The following MAP7 variants were observed in gnomAD, a reference collection of about 807,000 sequenced individuals.
MAP7 encodes the protein ensconsin.
Under a neutral mutation model 94.8 loss-of-function variants are expected in MAP7, and 52 were observed. The observed-to-expected ratio is 0.55, with a 90% confidence interval of 0.44 to 0.69. The LOEUF (loss-of-function observed/expected upper bound fraction) is 0.69. Among genes scored for constraint, MAP7 ranks in the 30% least tolerant of loss-of-function variants. The pLI is 0.00. For synonymous variants in MAP7, 350 were observed against 357.0 expected (o/e 0.98, Z 0.22); for missense variants, 940 against 964.6 (o/e 0.97, Z 0.34).
At chr6:136,504,905 A>T (rs998567753) in intron 1 of MAP7, among the ~76,000 whole-genome samples, 5 of 149,952 alleles carry the variant, frequency 3.3e-5, no homozygotes, top group African/African-American at 1.2e-4. Context: ...GTCTCAAAAT[A>T]CTGACCTCAG....
chr6:136,356,776 C>A lies in MAP7; in HGVS notation c.1931G>T (p.Cys644Phe). 1 of 1,614,078 alleles carries A rather than the reference C, an allele frequency of 6.2e-7. No individual in the cohort carries two copies. The highest frequency in any genetic ancestry group is 1.1e-5 in the South Asian group (1 of 91,064). ...TCCATTTCCCGGAGCGTTTGTTGTACATGGAAGTGCAGACACCTCTGGGCA... is the reference window on the plus strand; with the variant it reads ...TCCATTTCCCGGAGCGTTTGTTGTAAATGGAAGTGCAGACACCTCTGGGCA... ...TGGTEVSALP[C>F]TTNAPGNGKP... The change falls in exon 16 of 18, where the codon TGT becomes TTT. Residue 644 changes from cysteine (C) to phenylalanine (F), a missense_variant. Transcript: ENST00000354570.
At chr6:136,348,090 C>T (rs374583533) in intron 16 of MAP7, among the ~76,000 whole-genome samples, 72 of 151,520 alleles carry the variant, frequency 4.8e-4, no homozygotes, top group African/African-American at 1.7e-3. Context: ...CACCCATCTT[C>T]CTGTTCTTGC....
intron 6 of MAP7, among the ~76,000 whole-genome samples, chr6:136,378,741 C>A (rs951612745): frequency 6.6e-6 from 1 of 152,170 alleles, no homozygotes. Flanking sequence ...AAATTAATTA[C>A]TTTGCTTATA....
At position 136,414,110 on chromosome 6, in the gene MAP7, G is replaced by A. The variant is rs111612463; in HGVS notation, c.167-2413C>T. Among the ~76,000 whole-genome samples, 1,510 of 151,266 alleles carry A rather than the reference G, an allele frequency of 1.0e-2. 8 individuals carry two copies. The highest frequency in any genetic ancestry group is 0.038 in the East Asian group (197 of 5,142). ...TAAAAATACAAAAAAAAAATTAGCC[G>A]GGCGTGGTAGCGGGCGCCTGTAGTC... On this transcript the variant is annotated intron_variant, in intron 2 of 17. Coordinates refer to ENST00000354570, the MANE Select transcript of MAP7 (RefSeq NM_003980.6).
chr6:136,455,202 A>T (rs1802510659), intron 1 of MAP7, among the ~76,000 whole-genome samples: 1 of 152,108 alleles, frequency 6.6e-6, no homozygotes, highest in Admixed American at 6.6e-5. Context: ...AGTAGTAGAC[A>T]GGTAAAAACA....
At chr6:136,436,520 C>T (rs1414110009) in intron 1 of MAP7, among the ~76,000 whole-genome samples, 1 of 148,112 alleles carries the variant, frequency 6.8e-6, no homozygotes, top group Non-Finnish European at 1.5e-5. Context: ...GCTGGGACTA[C>T]AGGAACATGC....
intron 1 of MAP7, among the ~76,000 whole-genome samples, chr6:136,465,087 C>T (rs532266053): frequency 6.6e-5 from 10 of 152,276 alleles, no homozygotes; most frequent in Non-Finnish European, 1.2e-4. Flanking sequence ...TGCCGTATGT[C>T]GAGTACACAC....
chr6:136,491,752 T>G (rs1816679078), intron 1 of MAP7, among the ~76,000 whole-genome samples: 1 of 152,220 alleles, frequency 6.6e-6, no homozygotes, highest in Non-Finnish European at 1.5e-5. Context: ...GACTGAAAAG[T>G]CAATACATTA....
At chr6:136,423,104 T>A (rs1457138922) in intron 1 of MAP7, among the ~76,000 whole-genome samples, 1 of 152,138 alleles carries the variant, frequency 6.6e-6, no homozygotes, top group Non-Finnish European at 1.5e-5. Context: ...ACATAGAAGG[T>A]GTTTAACAAG....
intron 1 of MAP7, among the ~76,000 whole-genome samples, chr6:136,450,016 C>T (rs1307311221): frequency 6.6e-6 from 1 of 152,116 alleles, no homozygotes; most frequent in Non-Finnish European, 1.5e-5. Flanking sequence ...ATGGCGAAAC[C>T]TTGTCTCTAC....
At chr6:136,367,330 G>A (rs1188107582) in intron 8 of MAP7, among the ~76,000 whole-genome samples, 1 of 152,242 alleles carries the variant, frequency 6.6e-6, no homozygotes, top group African/African-American at 2.4e-5. Context: ...CGTGCTGGAG[G>A]CACCTATGTG....
chr6:136,487,058 T>G (rs1214291696), intron 1 of MAP7, among the ~76,000 whole-genome samples: 1 of 152,108 alleles, frequency 6.6e-6, no homozygotes, highest in Non-Finnish European at 1.5e-5. Flanking sequence ...AAACCACCTA[T>G]GGAAGGGGCA....
intron 7 of MAP7, among the ~76,000 whole-genome samples, chr6:136,374,085 C>T (rs1044359649): frequency 1.3e-5 from 2 of 152,260 alleles, no homozygotes; most frequent in East Asian, 3.9e-4. Flanking sequence ...GTCTCTTTTC[C>T]CATCATTTGA....
chr6:136,411,548 G>A, intron 3 of MAP7, 72 bp downstream of exon 3: 1 of 1,267,600 alleles, frequency 7.9e-7, no homozygotes, highest in East Asian at 2.6e-5. Flanking sequence ...AATTCATAAA[G>A]GTATGCAAAA....
intron 1 of MAP7, chr6:136,466,720 T>C: frequency 6.5e-7 from 1 of 1,530,448 alleles, no homozygotes. Context: ...TGAACGTCCT[T>C]ATTAAGGTTT....
chr6:136,355,188 T>G (rs1032315612), intron 16 of MAP7, among the ~76,000 whole-genome samples: 1 of 151,338 alleles, frequency 6.6e-6, no homozygotes, highest in South Asian at 2.1e-4. Flanking sequence ...AAAATAATAA[T>G]AAAAGAAACT....
rs192041283 is a variant in MAP7, at chr6:136,499,532, G to C, written c.67+50810C>G. On this transcript the variant is annotated intron_variant, in intron 1 of 17. Transcript: ENST00000354570. The stretch of plus-strand genomic sequence containing the variant: ...TGCAGAGCCCTCCAATTCCACAACT[G>C]ATGCCCTTGATCACTCCACTACTTA... Among the ~76,000 whole-genome samples, 64 of 152,150 alleles carry C rather than the reference G, an allele frequency of 4.2e-4. 1 individual carries two copies. Among genetic ancestry groups the C allele is most frequent in the African/African-American group, 1.5e-3 (61 of 41,438 alleles).
intron 8 of MAP7, among the ~76,000 whole-genome samples, chr6:136,369,944 TAAAC>T (rs2128597457): frequency 6.6e-6 from 1 of 152,274 alleles, no homozygotes; most frequent in South Asian, 2.1e-4. Context: ...ACATCAAACT[TAAAC>T]ACTTCTATAT....
chr6:136,486,215 G>A (rs755500979), intron 1 of MAP7, among the ~76,000 whole-genome samples: 3 of 152,146 alleles, frequency 2.0e-5, no homozygotes, highest in Non-Finnish European at 4.4e-5. Context: ...GATGTGGGGA[G>A]GGGAAAGAAA....
Sources: gnomAD v4.1 joint callset for allele counts (sites outside exome capture counted in the v4.1 genomes callset) on GRCh38, gnomAD v4.1.1 for gene constraint, MANE v1.5 for transcripts, NCBI Gene and HGNC (gene_info 2026-07-23, HGNC 2026-07-21) for gene names.